The following DOCK1 variants were observed in gnomAD, a reference collection of about 807,000 sequenced individuals.
DOCK1 encodes dedicator of cytokinesis 1.
A neutral mutation model predicts 262.7 loss-of-function variants in DOCK1; 138 were observed. That is an observed-to-expected ratio of 0.53 (90% CI 0.46 to 0.61). The LOEUF (loss-of-function observed/expected upper bound fraction) is 0.61, where lower values mean the gene tolerates loss of function less well. Among genes scored for constraint, DOCK1 ranks in the 20% least tolerant of loss-of-function variants. DOCK1 has a pLI of 0.00. For synonymous variants in DOCK1, 866 were observed against 867.4 expected (o/e 1.00, Z 0.03); for missense variants, 1,908 against 2,370.7 (o/e 0.80, Z 4.05).
At position 127,444,585 on chromosome 10, in the gene DOCK1, C is replaced by T. The variant is rs141109269; in HGVS notation, c.5413+306C>T. 9.7e-4 allele frequency among the ~76,000 whole-genome samples: 147 copies of T among 152,264 alleles called. 2 individuals carry two copies. The highest frequency in any genetic ancestry group is 3.3e-3 in the African/African-American group (138 of 41,554). Reference sequence around the variant, plus strand: ...AACCACCACACTTTCTATCCCAGGACGCAGAGCTGCAGGAGGCCGTGGGCC... The same window carrying T: ...AACCACCACACTTTCTATCCCAGGATGCAGAGCTGCAGGAGGCCGTGGGCC... On this transcript the variant is annotated intron_variant, in intron 50 of 51. Transcript: ENST00000623213.
chr10:126,965,840 A>AT (rs1480927257), intron 1 of DOCK1, among the ~76,000 whole-genome samples: 2 of 152,120 alleles, frequency 1.3e-5, no homozygotes, highest in African/African-American at 4.8e-5. Context: ...GATTAGGGTA[A>AT]TTAGCATGTC....
At chr10:127,236,763 TTG>T (rs1390761050) in intron 27 of DOCK1, among the ~76,000 whole-genome samples, 1 of 152,106 alleles carries the variant, frequency 6.6e-6, no homozygotes, top group Non-Finnish European at 1.5e-5. Context: ...GTATATGGTT[TTG>T]TGTTTTATTC....
intron 25 of DOCK1, among the ~76,000 whole-genome samples, chr10:127,122,480 C>T (rs138088531): frequency 1.3e-5 from 2 of 152,170 alleles, no homozygotes; most frequent in Non-Finnish European, 2.9e-5. Context: ...GCTTTTTACA[C>T]AGTCCTTCCT....
chr10:127,036,666 G>A (rs1402249238), intron 18 of DOCK1, among the ~76,000 whole-genome samples: 1 of 152,006 alleles, frequency 6.6e-6, no homozygotes, highest in Non-Finnish European at 1.5e-5. Flanking sequence ...TTTGGATCCT[G>A]ACTTCTTACC....
At chr10:127,416,600 G>A (rs915155170) in intron 44 of DOCK1, among the ~76,000 whole-genome samples, 29 of 152,180 alleles carry the variant, frequency 1.9e-4, no homozygotes, top group Admixed American at 1.6e-3. Context: ...CAGGACTCAC[G>A]TCCTGCTACC....
chr10:127,364,926 A>G (rs1315344998), intron 33 of DOCK1, among the ~76,000 whole-genome samples: 1 of 151,948 alleles, frequency 6.6e-6, no homozygotes, highest in Non-Finnish European at 1.5e-5. Context: ...AATATTAAAG[A>G]TAATTCATTT....
At chr10:127,361,315 C>T (rs367997002) in intron 32 of DOCK1, among the ~76,000 whole-genome samples, 240 of 152,006 alleles carry the variant, frequency 1.6e-3, no homozygotes, top group African/African-American at 3.4e-3. Flanking sequence ...GGTGTCTCAC[C>T]GTGTTAGCCA....
chr10:127,036,228 C>T (rs2043605699), intron 18 of DOCK1, among the ~76,000 whole-genome samples: 1 of 152,110 alleles, frequency 6.6e-6, no homozygotes, highest in Admixed American at 6.5e-5. Context: ...AAGTTACCTC[C>T]CCAGGCCAAG....
chr10:127,127,390 A>G (rs899062075), intron 26 of DOCK1, among the ~76,000 whole-genome samples: 1 of 152,214 alleles, frequency 6.6e-6, no homozygotes, highest in Admixed American at 6.5e-5. Flanking sequence ...GATCATAAAC[A>G]TTATATTGTT....
At position 127,429,609 on chromosome 10, in the gene DOCK1, C is replaced by A. The variant is rs138330158; in HGVS notation, c.4914+3598C>A. Among the ~76,000 whole-genome samples the A allele has an allele frequency of 4.0e-3, 613 of 152,352 alleles. 5 individuals carry two copies. Among genetic ancestry groups the A allele is most frequent in the African/African-American group, 0.013 (555 of 41,586 alleles). Reference sequence around the variant, plus strand: ...AAGAGAAGATGTGGACGCCCTCTGACTTCTCGATACCCAGGCCCCTCTGCC... The same window carrying A: ...AAGAGAAGATGTGGACGCCCTCTGAATTCTCGATACCCAGGCCCCTCTGCC... On this transcript the variant is annotated intron_variant, in intron 47 of 51. Coordinates refer to ENST00000623213, the MANE Select transcript of DOCK1 (RefSeq NM_001290223.2).
intron 16 of DOCK1, 148 bp downstream of exon 16, chr10:127,026,572 T>C (rs773853923): frequency 2.2e-4 from 164 of 744,408 alleles, no homozygotes; most frequent in Non-Finnish European, 3.3e-4. Context: ...GGAAACATTC[T>C]TCTCTCTTTT....
At chr10:127,050,219 A>G (rs2135717445) in intron 21 of DOCK1, among the ~76,000 whole-genome samples, 1 of 151,488 alleles carries the variant, frequency 6.6e-6, no homozygotes, top group East Asian at 1.9e-4. Flanking sequence ...AAGGATTTGA[A>G]TATCCTTAAT....
chr10:127,428,906 G>GCCGTGTGGATTGGGGTA (rs1245429611), intron 47 of DOCK1, among the ~76,000 whole-genome samples: 6 of 145,504 alleles, frequency 4.1e-5, no homozygotes, highest in African/African-American at 1.3e-4. Flanking sequence ...TGTGGATTGA[G>GCCGTGTGGATTGGGGTA]CCGTGTGGAT....
At position 127,106,257 on chromosome 10, in the gene DOCK1, G is replaced by C; in HGVS notation, c.2472G>C (p.Thr824=). The change falls in exon 24 of 52, where the codon ACG becomes ACC. Residue 824 remains threonine, a synonymous_variant. Transcript: ENST00000623213. The part of the protein sequence containing the change: ...VKGAALKYLP[T]IVNDVKLVFD... ...GGGCAGCACTGAAATACTTACCAAC[G>C]ATCGTCAACGATGTGAAATTGGTGT... 2 of 1,595,124 alleles carry C rather than the reference G, an allele frequency of 1.3e-6. No homozygotes were observed. The highest frequency in any genetic ancestry group is 1.7e-6 in the Non-Finnish European group (2 of 1,169,578).
intron 23 of DOCK1, among the ~76,000 whole-genome samples, chr10:127,065,133 C>A (rs1387150391): frequency 1.3e-5 from 2 of 152,164 alleles, no homozygotes; most frequent in East Asian, 3.9e-4. Flanking sequence ...CCTCATCCTC[C>A]CAGCAGCTGG....
At chr10:127,150,365 C>A (rs1054810358) in intron 27 of DOCK1, among the ~76,000 whole-genome samples, 1 of 71,422 alleles carries the variant, frequency 1.4e-5, no homozygotes. Flanking sequence ...TCAGTGGGAC[C>A]CTGAGGGAAG....
intron 31 of DOCK1, among the ~76,000 whole-genome samples, chr10:127,350,250 C>T (rs1429593831): frequency 8.0e-6 from 1 of 124,694 alleles, no homozygotes; most frequent in African/African-American, 3.1e-5. Context: ...AAAAAAGTGG[C>T]GGCAGCGGGG....
chr10:127,290,160 T>C (rs934944165), intron 29 of DOCK1, among the ~76,000 whole-genome samples: 1 of 152,180 alleles, frequency 6.6e-6, no homozygotes, highest in South Asian at 2.1e-4. Flanking sequence ...CAGTCTTGTT[T>C]TATGATCACG....
In DOCK1 at chr10:126,995,586, G is replaced by A. The variant is rs1289331999; in HGVS notation, c.474-1162G>A. 2.0e-5 allele frequency among the ~76,000 whole-genome samples: 3 copies of A among 152,222 alleles called. No individual in the cohort carries two copies. Among genetic ancestry groups the A allele is most frequent in the African/African-American group, 4.8e-5 (2 of 41,464 alleles). On this transcript the variant is annotated intron_variant, in intron 6 of 51. Transcript: ENST00000623213. This position sits in a 1 kb window ranked among gnomAD's most constrained non-coding sequence, Gnocchi z 5.8. ...GGAGGCTGCAGTGAGCCGAGATGGC[G>A]GCAGTACAGTCCAGCCTTGGCTCGG...
Sources: gnomAD v4.1 joint callset for allele counts (sites outside exome capture counted in the v4.1 genomes callset) on GRCh38, gnomAD v4.1.1 for gene constraint, Gnocchi (gnomAD v3.1) non-coding constraint, MANE v1.5 for transcripts, NCBI Gene and HGNC (gene_info 2026-07-23, HGNC 2026-07-21) for gene names.